NRXN1: variants seen among roughly 807,000 people sequenced by gnomAD.
NRXN1 encodes neurexin 1.
NRXN1 carries 39 observed loss-of-function variants against 150.9 expected under a neutral mutation model. The observed-to-expected ratio is 0.26, with a 90% confidence interval of 0.20 to 0.34. The LOEUF is 0.34. Ranked by LOEUF, NRXN1 falls within the 10% of genes least tolerant of loss-of-function variation. The pLI, the probability that NRXN1 is intolerant of heterozygous loss-of-function variation, is 1.00. For missense variants in NRXN1, 1,815 were observed against 1,949.9 expected, an observed-to-expected ratio of 0.93 and a Z score of 1.30; for synonymous variants, 924 against 757.0, an observed-to-expected ratio of 1.22 and a Z score of -3.62.
At chr2:50,655,669 G>C (rs551760090) in intron 5 of NRXN1, among the ~76,000 whole-genome samples, 70 of 151,080 alleles carry the variant, frequency 4.6e-4, no homozygotes, top group East Asian at 1.6e-3. Flanking sequence ...TTTTCTTTTG[G>C]GGGGGGAGGG....
At chr2:50,870,707 C>T (rs1322480571) in intron 5 of NRXN1, among the ~76,000 whole-genome samples, 3 of 151,886 alleles carry the variant, frequency 2.0e-5, no homozygotes, top group Non-Finnish European at 4.4e-5. Context: ...AAACATTTTC[C>T]CCTTTCCTGG....
chr2:50,751,577 T>C (rs1303675545), intron 5 of NRXN1, among the ~76,000 whole-genome samples: 5 of 151,900 alleles, frequency 3.3e-5, no homozygotes, highest in Non-Finnish European at 7.4e-5. Context: ...TTCCACCCCA[T>C]ATGCCATATT....
intron 2 of NRXN1, among the ~76,000 whole-genome samples, chr2:50,985,121 GA>G (rs969217211): frequency 8.6e-5 from 13 of 151,464 alleles, no homozygotes; most frequent in African/African-American, 2.4e-4. Context: ...AAACATACAG[GA>G]AAAAAAATGT....
At chr2:50,837,949 T>C (rs1672340331) in intron 5 of NRXN1, among the ~76,000 whole-genome samples, 1 of 152,154 alleles carries the variant, frequency 6.6e-6, no homozygotes, top group South Asian at 2.1e-4. Flanking sequence ...TTAGGTATTC[T>C]ATTACATTAT....
intron 2 of NRXN1, among the ~76,000 whole-genome samples, chr2:50,949,886 C>G (rs934898764): frequency 6.6e-6 from 1 of 152,104 alleles, no homozygotes; most frequent in African/African-American, 2.4e-5. Context: ...TATGTCTCAT[C>G]TATTTCTGTT....
At chr2:50,931,531 T>C (rs1317287800) in intron 2 of NRXN1, among the ~76,000 whole-genome samples, 1 of 152,074 alleles carries the variant, frequency 6.6e-6, no homozygotes, top group Non-Finnish European at 1.5e-5. Flanking sequence ...TGAAATTTTA[T>C]ATCAAATTAA....
At chr2:50,190,637 A>T (rs1394926478) in intron 18 of NRXN1, among the ~76,000 whole-genome samples, 1 of 136,900 alleles carries the variant, frequency 7.3e-6, no homozygotes. Context: ...TTTGAGACAG[A>T]GTTTCACTCT....
chr2:51,005,881 G>T (rs931535437), intron 2 of NRXN1, among the ~76,000 whole-genome samples: 1 of 151,726 alleles, frequency 6.6e-6, no homozygotes, highest in Non-Finnish European at 1.5e-5. Context: ...AATATATGTT[G>T]CCTACAAGAA....
rs538401668 is a variant in NRXN1, at chr2:50,285,598, A to T, written c.3365-48628T>A. ...AAGAATCATTTTTTTTCCCTCACTA[A>T]TGTTATAACTAAAAGACTGAGAGAA... On this transcript the variant is annotated intron_variant, in intron 17 of 22. Coordinates refer to ENST00000401669, the MANE Select transcript of NRXN1 (RefSeq NM_001330078.2). 3.9e-5 allele frequency among the ~76,000 whole-genome samples: 6 copies of T among 152,302 alleles called. No homozygotes were observed. The South Asian group carries it at 1.2e-3, about 32-fold the overall frequency.
At chr2:50,463,953 T>C (rs964093669) in intron 17 of NRXN1, 1 of 151,636 alleles carries the variant, frequency 6.6e-6, no homozygotes, top group Non-Finnish European at 1.5e-5. Flanking sequence ...GTCTTCTGAT[T>C]GTCCTTGAAA....
intron 5 of NRXN1, among the ~76,000 whole-genome samples, chr2:50,829,184 G>C (rs1337194127): frequency 6.6e-6 from 1 of 152,132 alleles, no homozygotes; most frequent in East Asian, 1.9e-4. Context: ...CAGCAGTACA[G>C]TCCAGCTTCG....
intron 5 of NRXN1, among the ~76,000 whole-genome samples, chr2:50,892,205 G>A (rs1180790310): frequency 6.6e-6 from 1 of 151,974 alleles, no homozygotes; most frequent in East Asian, 1.9e-4. Context: ...GAATATGCAG[G>A]AAAAAACAAT....
chr2:50,064,893 C>T (rs1695128140), intron 19 of NRXN1, among the ~76,000 whole-genome samples: 1 of 152,096 alleles, frequency 6.6e-6, no homozygotes, highest in African/African-American at 2.4e-5. Context: ...CTAGAATTTG[C>T]CTGATTTGTG....
Position 50,155,396 on chromosome 2 carries a change from A to G in NRXN1, c.3547-63902T>C, listed in dbSNP as rs191807966. ...CATACATATACACTTCCCTATCCCT[A>G]AAATACAAAATCTGCTACCCAAGAA... On this transcript the variant is annotated intron_variant, in intron 18 of 22. Transcript: ENST00000401669. Among the ~76,000 whole-genome samples the G allele has an allele frequency of 1.3e-4, 19 of 151,180 alleles. No individual in the cohort carries two copies. The East Asian group carries it at 3.7e-3, about 30-fold the overall frequency.
chr2:50,994,205 A>T (rs1698950236), intron 2 of NRXN1, among the ~76,000 whole-genome samples: 1 of 151,986 alleles, frequency 6.6e-6, no homozygotes, highest in South Asian at 2.1e-4. Context: ...GTGTGATCTT[A>T]GAGTCTGTAC....
chr2:50,499,496 TC>T (rs1389813869), intron 13 of NRXN1, among the ~76,000 whole-genome samples: 5 of 152,124 alleles, frequency 3.3e-5, no homozygotes, highest in African/African-American at 1.2e-4. Context: ...TTCTATCTTC[TC>T]CCCCAGTTCT....
chr2:50,680,357 T>A (rs942632274), intron 5 of NRXN1, among the ~76,000 whole-genome samples: 1 of 151,998 alleles, frequency 6.6e-6, no homozygotes, highest in Non-Finnish European at 1.5e-5. Flanking sequence ...CAGAGACCTA[T>A]GAAGGATGAG....
chr2:50,059,311 G>C (rs1440551637), intron 19 of NRXN1, among the ~76,000 whole-genome samples: 1 of 152,196 alleles, frequency 6.6e-6, no homozygotes, highest in Non-Finnish European at 1.5e-5. Flanking sequence ...AGATGATTTA[G>C]AGTATCTGGT....
chr2:49,968,130 C>T (rs1677274715), intron 21 of NRXN1, among the ~76,000 whole-genome samples: 1 of 140,912 alleles, frequency 7.1e-6, no homozygotes, highest in South Asian at 2.5e-4. Flanking sequence ...CTACCCACTC[C>T]ATCCCACCAA....
Sources: allele counts gnomAD v4.1 joint callset (sites outside exome capture counted in the v4.1 genomes callset), GRCh38; gene constraint gnomAD v4.1.1; transcripts MANE v1.5; gene names NCBI Gene and HGNC (gene_info 2026-07-23, HGNC 2026-07-21).